PCDH9: variants seen among roughly 807,000 people sequenced by gnomAD.
PCDH9 encodes the protein protocadherin 9, also known as protocadherin-9.
In PCDH9, 24 loss-of-function variants were observed where a neutral mutation model predicts 70.6. That is an observed-to-expected ratio of 0.34 (90% CI 0.25 to 0.48). PCDH9 has a LOEUF of 0.48. Ranked by LOEUF, PCDH9 falls within the 20% of genes least tolerant of loss-of-function variation. The pLI, the probability that PCDH9 is intolerant of heterozygous loss-of-function variation, is 0.99. For synonymous variants in PCDH9, 562 were observed against 558.5 expected (o/e 1.01, Z -0.09); for missense variants, 1,281 against 1,503.6 (o/e 0.85, Z 2.45).
At chr13:66,348,401 CTTTT>C (rs58647614) in intron 4 of PCDH9, among the ~76,000 whole-genome samples, 1 of 145,244 alleles carries the variant, frequency 6.9e-6, no homozygotes, top group African/African-American at 2.5e-5. Context: ...ATTTTCTTTT[CTTTT>C]TTTTTTTTTT....
chr13:66,935,784 T>C (rs2082906254), intron 2 of PCDH9, among the ~76,000 whole-genome samples: 2 of 152,122 alleles, frequency 1.3e-5, no homozygotes, highest in Non-Finnish European at 2.9e-5. Flanking sequence ...ATATTAATTA[T>C]AAAATATATT....
At chr13:66,357,202 AAGGTGG>A (rs1956398635) in intron 4 of PCDH9, among the ~76,000 whole-genome samples, 1 of 152,026 alleles carries the variant, frequency 6.6e-6, no homozygotes, top group Non-Finnish European at 1.5e-5. Flanking sequence ...AAGATGCACC[AAGGTGG>A]GCCTTGGTGA....
intron 2 of PCDH9, among the ~76,000 whole-genome samples, chr13:67,143,324 A>G (rs1163181666): frequency 6.6e-6 from 1 of 152,208 alleles, no homozygotes; most frequent in Middle Eastern, 3.2e-3. Flanking sequence ...TTTAATATTA[A>G]GGAACTAATA....
At chr13:66,456,063 T>C (rs1381885258) in intron 4 of PCDH9, among the ~76,000 whole-genome samples, 5 of 152,192 alleles carry the variant, frequency 3.3e-5, no homozygotes, top group Admixed American at 2.0e-4. Context: ...GAAAATATTA[T>C]GTAGTGTGTC....
At chr13:66,457,070 T>G (rs1050033184) in intron 4 of PCDH9, among the ~76,000 whole-genome samples, 4 of 152,160 alleles carry the variant, frequency 2.6e-5, no homozygotes, top group African/African-American at 9.7e-5. Flanking sequence ...TGATGTGAAT[T>G]AAGTCTGCGT....
chr13:66,352,111 C>T (rs759915637), intron 4 of PCDH9, among the ~76,000 whole-genome samples: 7 of 152,170 alleles, frequency 4.6e-5, no homozygotes, highest in Non-Finnish European at 8.8e-5. Flanking sequence ...GTTGGGATTA[C>T]AGGCATGAGC....
At chr13:66,410,861 A>G (rs1957358182) in intron 4 of PCDH9, among the ~76,000 whole-genome samples, 1 of 152,194 alleles carries the variant, frequency 6.6e-6, no homozygotes, top group Admixed American at 6.5e-5. Context: ...TATCTCTGTT[A>G]CCAAAAAATC....
At chr13:66,867,222 G>A (rs1478983436) in intron 3 of PCDH9, among the ~76,000 whole-genome samples, 1 of 152,030 alleles carries the variant, frequency 6.6e-6, no homozygotes, top group East Asian at 1.9e-4. Context: ...CTTCATTTAA[G>A]TTAAAATCCC....
intron 2 of PCDH9, chr13:67,219,799 A>G (rs1170591120): frequency 5.3e-5 from 8 of 152,018 alleles, no homozygotes; most frequent in African/African-American, 1.7e-4. Context: ...ACTCAGTGAA[A>G]TATATAAGAT....
At chr13:66,975,116 T>G (rs1453745254) in intron 2 of PCDH9, among the ~76,000 whole-genome samples, 1 of 152,052 alleles carries the variant, frequency 6.6e-6, no homozygotes, top group African/African-American at 2.4e-5. Context: ...ACTAGCATGA[T>G]AAATGCCTAG....
intron 3 of PCDH9, among the ~76,000 whole-genome samples, chr13:66,824,560 CAGG>C: frequency 6.8e-6 from 1 of 146,834 alleles, no homozygotes; most frequent in Middle Eastern, 3.4e-3. Context: ...TAGGCTGAGG[CAGG>C]AGAATTGCTT....
intron 3 of PCDH9, among the ~76,000 whole-genome samples, chr13:66,766,771 G>A (rs1002733130): frequency 6.6e-6 from 1 of 151,974 alleles, no homozygotes; most frequent in Non-Finnish European, 1.5e-5. Context: ...CATTAGTGGT[G>A]TTGTATGGCT....
chr13:67,101,220 T>C (rs9317636), intron 2 of PCDH9, among the ~76,000 whole-genome samples: 29,771 of 152,142 alleles, frequency 0.2, 3,037 homozygotes, highest in Middle Eastern at 0.26. Context: ...AGACTTTAGA[T>C]GCAATCTGAT....
intron 4 of PCDH9, among the ~76,000 whole-genome samples, chr13:66,500,193 G>T (rs1049569197): frequency 2.6e-5 from 4 of 152,088 alleles, no homozygotes; most frequent in African/African-American, 9.7e-5. Flanking sequence ...TAGTTACATT[G>T]TTACAATAAT....
chr13:66,809,986 A>T (rs1594089791), intron 3 of PCDH9, among the ~76,000 whole-genome samples: 1 of 152,176 alleles, frequency 6.6e-6, no homozygotes, highest in East Asian at 1.9e-4. Flanking sequence ...GCAATAAAAC[A>T]GGTACATGAA....
intron 3 of PCDH9, among the ~76,000 whole-genome samples, chr13:66,708,210 C>A (rs1047586299): frequency 3.0e-4 from 46 of 151,072 alleles, no homozygotes; most frequent in Non-Finnish European, 4.9e-4. Context: ...CCACTACGCC[C>A]GGCTAATTTT....
intron 2 of PCDH9, among the ~76,000 whole-genome samples, chr13:67,051,840 G>A (rs2139931935): frequency 6.6e-6 from 1 of 152,202 alleles, no homozygotes; most frequent in East Asian, 1.9e-4. Flanking sequence ...TTTGGAAGAT[G>A]TAATGAATAG....
intron 2 of PCDH9, among the ~76,000 whole-genome samples, chr13:66,954,550 A>G (rs1490664531): frequency 6.6e-6 from 1 of 152,164 alleles, no homozygotes; most frequent in Non-Finnish European, 1.5e-5. Context: ...CAGACTTACC[A>G]AGGGTGCTGG....
intron 3 of PCDH9, among the ~76,000 whole-genome samples, chr13:66,664,962 T>C (rs977199702): frequency 2.0e-5 from 3 of 152,066 alleles, no homozygotes; most frequent in African/African-American, 7.2e-5. Flanking sequence ...CCCTACATAA[T>C]AAAATGCAGT....
Sources: allele counts gnomAD v4.1 joint callset (sites outside exome capture counted in the v4.1 genomes callset), GRCh38; gene constraint gnomAD v4.1.1; transcripts MANE v1.5; gene names NCBI Gene and HGNC (gene_info 2026-07-23, HGNC 2026-07-21).